ZNF233: variants seen among roughly 807,000 people sequenced by gnomAD.
The protein encoded by ZNF233 is zinc finger protein 233.
Under a neutral mutation model 11.6 loss-of-function variants are expected in ZNF233, and 7 were observed. The observed-to-expected ratio is 0.60, with a 90% CI of 0.34 to 1.13. The LOEUF (loss-of-function observed/expected upper bound fraction) is 1.13, where lower values mean the gene tolerates loss of function less well. Ranked by LOEUF, ZNF233 falls within the 50% of genes most tolerant of loss-of-function variation. The pLI is 0.03. For synonymous variants in ZNF233, 226 were observed against 268.5 expected, an observed-to-expected ratio of 0.84 and a Z score of 1.55; for missense variants, 711 against 785.5, an observed-to-expected ratio of 0.91 and a Z score of 1.13.
chr19:44,266,123 C>T (rs775442334), intron 2 of ZNF233, 75 bp from the exon 3 acceptor site: 29 of 1,450,746 alleles, frequency 2.0e-5, no homozygotes, highest in Non-Finnish European at 2.7e-5. Context: ...CCTGTTCTTT[C>T]TACCTGCTCA....
At chr19:44,267,328 G>T in intron 4 of ZNF233, 1 of 393,952 alleles carries the variant, frequency 2.5e-6, no homozygotes, top group South Asian at 1.3e-4. Context: ...ACTGCTGTGT[G>T]TTTCTTATAC....
At chr19:44,267,362 T>G (rs1475540399) in intron 4 of ZNF233, 3 of 398,712 alleles carry the variant, frequency 7.5e-6, no homozygotes, top group Non-Finnish European at 1.3e-5. Context: ...TTTTTTTTTT[T>G]TTTTTTCTTT....
At position 44,274,585 on chromosome 19, in the gene ZNF233, A is replaced by G. The variant is rs76164141; in HGVS notation, c.1925A>G (p.His642Arg). 5.8e-5 allele frequency: 93 copies of G among 1,614,172 alleles called. No individual in the cohort carries two copies. In the East Asian group the frequency reaches 2.0e-3, roughly 35 times the overall value. The change falls in exon 5 of 5, where the codon CAT becomes CGT. Residue 642 changes from histidine to arginine, a missense_variant. His to Arg is a conservative substitution (Grantham distance 29, BLOSUM62 0). Coordinates refer to ENST00000683810, the MANE Select transcript of ZNF233 (RefSeq NM_001207005.2). ...TSHLQAHQRV[H>R]TGEKPYKCFV... ...CATCTTCAAGCCCATCAGAGAGTCC[A>G]TACTGGAGAGAAACCATACAAATGT...
chr19:44,270,346 T>TTA (rs780657744), intron 4 of ZNF233, among the ~76,000 whole-genome samples: 2 of 72,730 alleles, frequency 2.7e-5, no homozygotes, highest in South Asian at 1.1e-3. Context: ...CCATCTATAC[T>TTA]AAAAAAAAAA....
rs760424734 is a variant in ZNF233, at chr19:44,273,344, CAA to C, written c.687_688del (p.Lys232SerfsTer3). 5 of 1,613,940 alleles carry C rather than the reference CAA, an allele frequency of 3.1e-6. No individual in the cohort carries two copies. Among genetic ancestry groups the C allele is most frequent in the African/African-American group, 2.7e-5 (2 of 74,860 alleles). On this transcript the variant is annotated frameshift_variant, in exon 5 of 5. Coordinates refer to ENST00000683810, the MANE Select transcript of ZNF233 (RefSeq NM_001207005.2). LOFTEE classifies it low-confidence loss of function (END_TRUNC). Reference protein sequence around the residue: ...AHQHDDHGVHKREKAFSHNNC... With the variant: ...AHQHDDHGVHXREKAFSHNNC... Reference sequence around the variant, plus strand: ...ATCAACATGATGATCATGGAGTACACAAAAGAGAGAAAGCTTTTAGCCACAAT... The same window carrying C: ...ATCAACATGATGATCATGGAGTACACAAGAGAGAAAGCTTTTAGCCACAAT...
intron 1 of ZNF233, among the ~76,000 whole-genome samples, chr19:44,262,543 T>C (rs1974967006): frequency 6.6e-6 from 1 of 152,152 alleles, no homozygotes; most frequent in Non-Finnish European, 1.5e-5. Flanking sequence ...AGGGTGCAGG[T>C]AAATATAGGA....
At chr19:44,267,835 G>A (rs1419599434) in intron 4 of ZNF233, 1 of 154,396 alleles carries the variant, frequency 6.5e-6, no homozygotes, top group Admixed American at 6.5e-5. Flanking sequence ...CTTTTAGACG[G>A]AGTCTTGCTC....
At chr19:44,272,751 GAA>G in intron 4 of ZNF233, 146 bp from the exon 5 acceptor site, 1 of 586,724 alleles carries the variant, frequency 1.7e-6, no homozygotes. Context: ...CAAAAAAAGA[GAA>G]AAAAAAACAA....
At chr19:44,260,010 C>A (rs1385481701) in intron 1 of ZNF233, 72 bp downstream of exon 1, 3 of 425,704 alleles carry the variant, frequency 7.0e-6, no homozygotes, top group South Asian at 4.9e-5. Flanking sequence ...CAGGTGCCTG[C>A]CCTCGCTCTC....
At chr19:44,272,807 C>T in intron 4 of ZNF233, 92 bp from the exon 5 acceptor site, 1 of 884,686 alleles carries the variant, frequency 1.1e-6, no homozygotes, top group Non-Finnish European at 1.7e-6. Context: ...TTAAGGTTTC[C>T]CAATGTGGTC....
At chr19:44,262,254 C>G (rs1008810138) in intron 1 of ZNF233, among the ~76,000 whole-genome samples, 2 of 152,068 alleles carry the variant, frequency 1.3e-5, no homozygotes, top group South Asian at 4.1e-4. Flanking sequence ...CTAATTATAC[C>G]CCAAATGCCC....
intron 4 of ZNF233, among the ~76,000 whole-genome samples, chr19:44,270,487 C>T (rs1326630434): frequency 1.3e-5 from 2 of 152,090 alleles, no homozygotes; most frequent in African/African-American, 4.8e-5. Flanking sequence ...TACCATTGCA[C>T]TCCAGCCTGG....
chr19:44,273,366 C>T lies in ZNF233; in HGVS notation c.706C>T (p.His236Tyr), dbSNP rs373551074. The change falls in exon 5 of 5, where the codon CAC (histidine) becomes TAC (tyrosine). Residue 236 changes from histidine (H) to tyrosine (Y), a missense_variant. Transcript: ENST00000683810. The stretch of plus-strand genomic sequence containing the variant: ...ACACAAAAGAGAGAAAGCTTTTAGC[C>T]ACAATAATTGTGGAAAAGACTGTGT... ...GVHKREKAFS[H>Y]NNCGKDCVKE... is the part of the protein sequence containing the mutation. 5.6e-6 allele frequency: 9 copies of T among 1,613,990 alleles called. No individual in the cohort carries two copies. In the African/African-American group the frequency reaches 1.1e-4, roughly 19 times the overall value.
chr19:44,260,455 C>T (rs1455958715), intron 1 of ZNF233, among the ~76,000 whole-genome samples: 1 of 152,074 alleles, frequency 6.6e-6, no homozygotes, highest in African/African-American at 2.4e-5. Context: ...TGCAGCGCTA[C>T]TCGCCCTTCT....
chr19:44,267,077 G>A (rs763482063), intron 4 of ZNF233, 116 bp downstream of exon 4: 1 of 649,552 alleles, frequency 1.5e-6, no homozygotes, highest in Admixed American at 2.9e-5. Flanking sequence ...CTGGTTTACT[G>A]CAGCAGCTTG....
At chr19:44,272,232 A>C (rs1975254634) in intron 4 of ZNF233, among the ~76,000 whole-genome samples, 1 of 151,524 alleles carries the variant, frequency 6.6e-6, no homozygotes, top group Non-Finnish European at 1.5e-5. Flanking sequence ...CATCTCAAAA[A>C]AAAAAAAAAA....
chr19:44,272,906 G>A lies in ZNF233; in HGVS notation c.246G>A (p.Lys82=), dbSNP rs774418843. 6.4e-7 allele frequency: 1 copy of A among 1,562,318 alleles called. No individual in the cohort carries two copies. The highest frequency in any genetic ancestry group is 1.9e-5 in the Admixed American group (1 of 51,308). The change falls in exon 5 of 5, where the codon AAG becomes AAA. Residue 82 remains lysine (K), a synonymous_variant. Transcript: ENST00000683810. ...EIQGDGCSGH[K]NQNEIDTLQE... is the part of the protein sequence containing the mutation. ...TTCTCTTTATCATTCTAGGACACAAGAATCAAAATGAGATAGATACCCTTC... is the reference window on the plus strand; with the variant it reads ...TTCTCTTTATCATTCTAGGACACAAAAATCAAAATGAGATAGATACCCTTC...
intron 4 of ZNF233, 141 bp downstream of exon 4, chr19:44,267,102 C>G (rs771326215): frequency 1.8e-5 from 10 of 562,546 alleles, no homozygotes; most frequent in Non-Finnish European, 3.2e-5. Context: ...TGACCTTCCT[C>G]CTTCTACCTC....
Position 44,274,483 on chromosome 19 carries a change from A to T in ZNF233, c.1823A>T (p.His608Leu), listed in dbSNP as rs763695399. Residue 608 changes from histidine (H) to leucine (L), a missense_variant, in exon 5 of 5, where the codon CAT becomes CTT. His to Leu is a moderately conservative substitution (Grantham distance 99). Transcript: ENST00000683810. ...RKGFIWNSYLHVHQRIHTGEK... is the reference protein window; with the variant it reads ...RKGFIWNSYLLVHQRIHTGEK... ...GGCTTCATCTGGAACTCATATCTTCATGTTCATCAGAGGATCCACACGGGA... is the reference window on the plus strand; with the variant it reads ...GGCTTCATCTGGAACTCATATCTTCTTGTTCATCAGAGGATCCACACGGGA... 1.1e-5 allele frequency: 18 copies of T among 1,613,952 alleles called. No homozygotes were observed. Among genetic ancestry groups the T allele is most frequent in the Admixed American group, 3.3e-5 (2 of 59,992 alleles).
Sources: allele counts gnomAD v4.1 joint callset (sites outside exome capture counted in the v4.1 genomes callset), GRCh38; gene constraint gnomAD v4.1.1; transcripts MANE v1.5; gene names NCBI Gene and HGNC (gene_info 2026-07-23, HGNC 2026-07-21).